The following CPQ variants were observed in gnomAD, a reference collection of about 807,000 sequenced individuals.
CPQ encodes carboxypeptidase Q.
CPQ carries 37 observed loss-of-function variants against 45.7 expected under a neutral mutation model. The observed-to-expected ratio is 0.81, with a 90% CI of 0.62 to 1.07. The LOEUF (loss-of-function observed/expected upper bound fraction) is 1.07. Ranked by LOEUF, CPQ falls within the 50% of genes least tolerant of loss-of-function variation. CPQ has a pLI of 0.00. For missense variants in CPQ, 537 were observed against 572.9 expected (o/e 0.94, Z 0.64); for synonymous variants, 186 against 205.8 (o/e 0.90, Z 0.82).
At position 96,779,446 on chromosome 8, in the gene CPQ, A is replaced by G. The variant is rs1177888435; in HGVS notation, c.-34-5418A>G. Among the ~76,000 whole-genome samples, 3 of 152,266 alleles carry G rather than the reference A, an allele frequency of 2.0e-5. No individual in the cohort carries two copies. The South Asian group carries it at 6.2e-4, about 32-fold the overall frequency. On this transcript the variant is annotated intron_variant, in intron 1 of 7. Transcript: ENST00000220763. ...CATATAGTTTCCTATAAAAAACACAATTTATAATCCTCCAGGAAGTCTGTG... is the reference window on the plus strand; with the variant it reads ...CATATAGTTTCCTATAAAAAACACAGTTTATAATCCTCCAGGAAGTCTGTG...
At chr8:97,000,381 T>C (rs1464161142) in intron 5 of CPQ, among the ~76,000 whole-genome samples, 3 of 152,166 alleles carry the variant, frequency 2.0e-5, no homozygotes, top group African/African-American at 7.2e-5. Context: ...GGGTTTTACA[T>C]TGAAGTTTTT....
chr8:96,685,841 G>A (rs1162068341), intron 1 of CPQ, among the ~76,000 whole-genome samples: 1 of 152,042 alleles, frequency 6.6e-6, no homozygotes, highest in Non-Finnish European at 1.5e-5. Flanking sequence ...AACATTTAGA[G>A]TTTTCTTATC....
At chr8:96,684,599 A>C (rs1456085095) in intron 1 of CPQ, among the ~76,000 whole-genome samples, 1 of 152,142 alleles carries the variant, frequency 6.6e-6, no homozygotes, top group Non-Finnish European at 1.5e-5. Context: ...GGGTGCCATC[A>C]GTGGTGGCAG....
chr8:96,946,895 G>A (rs994721682), intron 4 of CPQ, among the ~76,000 whole-genome samples: 17 of 152,148 alleles, frequency 1.1e-4, no homozygotes, highest in Middle Eastern at 3.4e-3. Flanking sequence ...TTTTCTGGCC[G>A]CTGAGGTCTC....
chr8:96,997,987 T>C (rs1197154898), intron 5 of CPQ, among the ~76,000 whole-genome samples: 1 of 151,988 alleles, frequency 6.6e-6, no homozygotes, highest in African/African-American at 2.4e-5. Context: ...AAAATAAAAA[T>C]CACCCAGTGG....
intron 7 of CPQ, among the ~76,000 whole-genome samples, chr8:97,091,044 C>A (rs1586536606): frequency 6.6e-6 from 1 of 152,230 alleles, no homozygotes; most frequent in East Asian, 1.9e-4. Flanking sequence ...CACGATGCAT[C>A]TCAATAAAAG....
chr8:96,985,583 C>T (rs1195921349), intron 5 of CPQ, among the ~76,000 whole-genome samples: 1 of 152,110 alleles, frequency 6.6e-6, no homozygotes, highest in Non-Finnish European at 1.5e-5. Flanking sequence ...GGACAATGAC[C>T]TGACTGTGTC....
At chr8:96,749,363 T>C (rs1810230422) in intron 1 of CPQ, among the ~76,000 whole-genome samples, 1 of 152,174 alleles carries the variant, frequency 6.6e-6, no homozygotes, top group Non-Finnish European at 1.5e-5. Context: ...TTGAGAGTGA[T>C]GTGATGATGG....
At chr8:96,800,254 A>C (rs138673637) in intron 2 of CPQ, among the ~76,000 whole-genome samples, 322 of 152,296 alleles carry the variant, frequency 2.1e-3, no homozygotes, top group South Asian at 8.3e-3. Context: ...TATGTAAAGA[A>C]ATGTTCAACT....
chr8:97,055,685 A>G (rs1297157065), intron 6 of CPQ: 2 of 152,192 alleles, frequency 1.3e-5, no homozygotes, highest in Non-Finnish European at 2.9e-5. Flanking sequence ...AGATTTGTTG[A>G]TAGATTGCAT....
At chr8:96,670,041 G>A (rs1211421982) in intron 1 of CPQ, among the ~76,000 whole-genome samples, 4 of 152,164 alleles carry the variant, frequency 2.6e-5, no homozygotes, top group African/African-American at 9.7e-5. Context: ...AAGAGCTCTA[G>A]AACTCATATC....
chr8:96,834,100 A>G (rs1811494926), intron 2 of CPQ, among the ~76,000 whole-genome samples: 1 of 152,150 alleles, frequency 6.6e-6, no homozygotes, highest in Non-Finnish European at 1.5e-5. Flanking sequence ...TTTGTTGCCA[A>G]ATATTTTTTC....
chr8:97,073,799 C>T (rs1038095289), intron 7 of CPQ, among the ~76,000 whole-genome samples: 2 of 152,130 alleles, frequency 1.3e-5, no homozygotes, highest in Admixed American at 6.6e-5. Flanking sequence ...TTGATAAAGG[C>T]TATACAGAGA....
intron 3 of CPQ, among the ~76,000 whole-genome samples, chr8:96,874,013 T>C (rs1000821960): frequency 2.0e-5 from 3 of 151,854 alleles, no homozygotes; most frequent in African/African-American, 7.2e-5. Flanking sequence ...ACTGCATTTA[T>C]TTTATGTAGA....
chr8:96,839,203 C>T (rs1811572420), intron 3 of CPQ, among the ~76,000 whole-genome samples: 1 of 151,934 alleles, frequency 6.6e-6, no homozygotes, highest in Admixed American at 6.6e-5. Context: ...GTGGTGTAAT[C>T]ATCAATATCA....
intron 1 of CPQ, among the ~76,000 whole-genome samples, chr8:96,758,260 A>T (rs1248122425): frequency 2.0e-5 from 3 of 152,210 alleles, no homozygotes. Flanking sequence ...GAAAGTTCCC[A>T]TAAGACTGAT....
chr8:96,794,936 T>A (rs573058911), intron 2 of CPQ, among the ~76,000 whole-genome samples: 1 of 152,302 alleles, frequency 6.6e-6, no homozygotes, highest in Non-Finnish European at 1.5e-5. Flanking sequence ...CATATTATTA[T>A]GAGCATTTTG....
intron 1 of CPQ, among the ~76,000 whole-genome samples, chr8:96,700,567 C>T (rs1014842576): frequency 6.6e-6 from 1 of 152,112 alleles, no homozygotes; most frequent in African/African-American, 2.4e-5. Context: ...CTGCATGCAC[C>T]TTCTGGGTAG....
At chr8:96,771,131 TTATAAATA>T (rs1353111384) in intron 1 of CPQ, among the ~76,000 whole-genome samples, 3 of 147,718 alleles carry the variant, frequency 2.0e-5, no homozygotes, top group Admixed American at 1.4e-4. Flanking sequence ...ATTTTAATGT[TTATAAATA>T]TATAAATATA....
Sources: allele counts gnomAD v4.1 joint callset (sites outside exome capture counted in the v4.1 genomes callset), GRCh38; gene constraint gnomAD v4.1.1; transcripts MANE v1.5; gene names NCBI Gene and HGNC (gene_info 2026-07-23, HGNC 2026-07-21).